OPCML: variants seen among roughly 807,000 people sequenced by gnomAD.
OPCML encodes opioid binding protein/cell adhesion molecule like.
OPCML carries 13 observed loss-of-function variants against 37.8 expected under a neutral mutation model. The ratio of observed to expected loss-of-function variants is 0.34; its 90% confidence interval spans 0.22 to 0.55. The LOEUF is 0.55. OPCML is among the 20% of genes least tolerant of loss of function. The pLI is 0.91. For synonymous variants in OPCML, 176 were observed against 168.8 expected (o/e 1.04, Z -0.33); for missense variants, 341 against 435.6 (o/e 0.78, Z 1.93).
At chr11:132,886,211 A>G (rs992878007) in intron 2 of OPCML, among the ~76,000 whole-genome samples, 3 of 152,162 alleles carry the variant, frequency 2.0e-5, no homozygotes, top group African/African-American at 7.2e-5. Context: ...TATTATTTCT[A>G]TTTTATTTTT....
intron 1 of OPCML, among the ~76,000 whole-genome samples, chr11:133,158,334 TC>T (rs1265004234): frequency 6.6e-6 from 1 of 152,154 alleles, no homozygotes; most frequent in Non-Finnish European, 1.5e-5. Flanking sequence ...AATAATCTCA[TC>T]AAGTAAATGA....
At chr11:133,367,627 T>TAA (rs1379832153) in intron 1 of OPCML, among the ~76,000 whole-genome samples, 2 of 152,224 alleles carry the variant, frequency 1.3e-5, no homozygotes, top group South Asian at 4.1e-4. Flanking sequence ...GTGGCACAGT[T>TAA]AAGAGTGGTT....
At chr11:132,421,169 G>A (rs1189806643) in intron 7 of OPCML, among the ~76,000 whole-genome samples, 1 of 152,094 alleles carries the variant, frequency 6.6e-6, no homozygotes, top group Non-Finnish European at 1.5e-5. Flanking sequence ...ATCTAACTTG[G>A]ACCAGGTGTT....
chr11:132,523,104 AC>A (rs958623835), intron 4 of OPCML, among the ~76,000 whole-genome samples: 1 of 152,122 alleles, frequency 6.6e-6, no homozygotes, highest in African/African-American at 2.4e-5. Context: ...ATGGGGTTTC[AC>A]CCTGCTGGCC....
intron 1 of OPCML, among the ~76,000 whole-genome samples, chr11:133,125,072 C>T (rs769687185): frequency 4.6e-5 from 7 of 152,116 alleles, no homozygotes; most frequent in Non-Finnish European, 7.4e-5. Flanking sequence ...TTTGGAATGG[C>T]GATTGTAATC....
intron 2 of OPCML, among the ~76,000 whole-genome samples, chr11:132,858,003 C>G (rs541869433): frequency 2.4e-4 from 36 of 152,118 alleles, no homozygotes; most frequent in African/African-American, 7.7e-4. Context: ...CTTAGGAAGC[C>G]GGTGGGTTAT....
intron 1 of OPCML, chr11:133,008,487 AG>A: frequency 1.1e-6 from 1 of 911,368 alleles, no homozygotes; most frequent in Non-Finnish European, 1.3e-6. Flanking sequence ...TTGGGAGAGA[AG>A]AACGTATTTC....
chr11:133,512,040 G>A (rs1316813357), intron 1 of OPCML, among the ~76,000 whole-genome samples: 5 of 152,088 alleles, frequency 3.3e-5, no homozygotes, highest in African/African-American at 7.2e-5. Flanking sequence ...GGGGTTCCTC[G>A]CACACTAAGC....
At chr11:132,482,475 G>A (rs1057067893) in intron 4 of OPCML, among the ~76,000 whole-genome samples, 12 of 152,054 alleles carry the variant, frequency 7.9e-5, no homozygotes, top group South Asian at 2.1e-4. Flanking sequence ...ATTCACAGCC[G>A]AATTCTACCA....
chr11:133,152,838 GT>G (rs1335640878), intron 1 of OPCML, among the ~76,000 whole-genome samples: 1 of 151,420 alleles, frequency 6.6e-6, no homozygotes, highest in East Asian at 1.9e-4. Context: ...CTGTCTAGTT[GT>G]GTGAAGCATA....
At chr11:133,188,822 T>C (rs514337) in intron 1 of OPCML, among the ~76,000 whole-genome samples, 117,390 of 151,936 alleles carry the variant, frequency 0.77, 46,104 homozygotes, top group African/African-American at 0.9. Context: ...AGCTAGTATA[T>C]GTACCCTGAA....
chr11:132,469,808 GTT>G (rs1444707097), intron 4 of OPCML, among the ~76,000 whole-genome samples: 4 of 95,696 alleles, frequency 4.2e-5, no homozygotes, highest in Non-Finnish European at 8.4e-5. Context: ...GTGTGTGTGT[GTT>G]TGTGTGGTGT....
At chr11:132,461,503 G>T (rs986488890) in intron 4 of OPCML, among the ~76,000 whole-genome samples, 1 of 152,054 alleles carries the variant, frequency 6.6e-6, no homozygotes, top group South Asian at 2.1e-4. Context: ...TCAATCTGAC[G>T]GTTTATCTGG....
At chr11:133,215,126 C>T (rs537378150) in intron 1 of OPCML, among the ~76,000 whole-genome samples, 1 of 152,180 alleles carries the variant, frequency 6.6e-6, no homozygotes, top group East Asian at 1.9e-4. Context: ...AGCTGTAAAC[C>T]AGGGAACTGG....
chr11:133,466,112 G>T (rs1946972489), intron 1 of OPCML, among the ~76,000 whole-genome samples: 1 of 152,088 alleles, frequency 6.6e-6, no homozygotes. Flanking sequence ...TGGCAATCCT[G>T]CCCCTCCCTC....
intron 1 of OPCML, among the ~76,000 whole-genome samples, chr11:132,995,729 C>G (rs1420471449): frequency 6.6e-6 from 1 of 152,148 alleles, no homozygotes; most frequent in East Asian, 1.9e-4. Flanking sequence ...CTAAAACCAA[C>G]CAACCAGCTT....
At chr11:133,314,128 G>C (rs1475968909) in intron 1 of OPCML, among the ~76,000 whole-genome samples, 1 of 148,104 alleles carries the variant, frequency 6.8e-6, no homozygotes, top group African/African-American at 2.5e-5. Context: ...CCAGCTACTT[G>C]GGAGGCTGAG....
At chr11:133,360,569 T>A (rs372528024) in intron 1 of OPCML, 1 of 150,774 alleles carries the variant, frequency 6.6e-6, no homozygotes, top group African/African-American at 2.5e-5. Context: ...TAAAGGCTGA[T>A]AGAAATGAAG....
chr11:133,066,474 A>G (rs1291411450), intron 1 of OPCML: 1 of 152,214 alleles, frequency 6.6e-6, no homozygotes, highest in Non-Finnish European at 1.5e-5. Context: ...TCTGGTCCTG[A>G]CTTGGGTCCT....
Sources: gnomAD v4.1 joint callset for allele counts (sites outside exome capture counted in the v4.1 genomes callset) on GRCh38, gnomAD v4.1.1 for gene constraint, MANE v1.5 for transcripts, NCBI Gene and HGNC (gene_info 2026-07-23, HGNC 2026-07-21) for gene names.